TENT5A: variants seen among roughly 807,000 people sequenced by gnomAD.
TENT5A encodes the protein terminal nucleotidyltransferase 5A.
Under a neutral mutation model 30.2 loss-of-function variants are expected in TENT5A, and 9 were observed. That is an observed-to-expected ratio of 0.30 (90% CI 0.18 to 0.52). TENT5A has a LOEUF of 0.52. Among genes scored for constraint, TENT5A ranks in the 20% least tolerant of loss-of-function variants. TENT5A has a pLI of 0.97. For missense variants in TENT5A, 411 were observed against 566.1 expected (o/e 0.73, Z 2.78); for synonymous variants, 264 against 234.2 (o/e 1.13, Z -1.16).
rs1015671618 is a variant in TENT5A, at chr6:81,748,865, G to A, written c.*830C>T. Reference sequence around the variant, plus strand: ...ATTTTGCCACTTCAAATTTTCAGAAGGCAACAGGCACTTTGATGTATATTG... The same window carrying A: ...ATTTTGCCACTTCAAATTTTCAGAAAGCAACAGGCACTTTGATGTATATTG... On this transcript the variant is annotated 3_prime_UTR_variant, in exon 3 of 3. Coordinates refer to ENST00000320172, the MANE Select transcript of TENT5A (RefSeq NM_017633.3). 1.0e-6 allele frequency: 1 copy of A among 985,406 alleles called. No homozygotes were observed. The highest frequency in any genetic ancestry group is 1.2e-6 in the Non-Finnish European group (1 of 829,598). The allele number at this position is 985,406 out of a possible 1,614,324, so 61.0% of individuals were successfully genotyped here.
Position 81,747,084 on chromosome 6 carries a change from A to C in TENT5A, c.*2611T>G. 2 of 984,512 alleles carry C rather than the reference A, an allele frequency of 2.0e-6. No individual in the cohort carries two copies. Among genetic ancestry groups the C allele is most frequent in the Non-Finnish European group, 1.2e-6 (1 of 829,106 alleles). The allele number at this position is 984,512 out of a possible 1,614,324, so 61.0% of individuals were successfully genotyped here. Reference sequence around the variant, plus strand: ...TTCAAATAAGGCTCTTCCAAACAAAAATCTGTGTTATAAATTAACAGCAGG... The same window carrying C: ...TTCAAATAAGGCTCTTCCAAACAAACATCTGTGTTATAAATTAACAGCAGG... On this transcript the variant is annotated 3_prime_UTR_variant, in exon 3 of 3. Coordinates refer to ENST00000320172, the MANE Select transcript of TENT5A (RefSeq NM_017633.3).
At chr6:81,752,328 C>CGCAGGGCACGCAGCTGA in intron 1 of TENT5A, 103 bp downstream of exon 1, 1 of 1,545,896 alleles carries the variant, frequency 6.5e-7, no homozygotes, top group African/African-American at 1.4e-5. Context: ...CTCCCCCGGC[C>CGCAGGGCACGCAGCTGA]CTTACAGTCC....
chr6:81,751,601 G>A lies in TENT5A; in HGVS notation c.541C>T (p.Leu181Phe), dbSNP rs1231163690. 6.2e-7 allele frequency: 1 copy of A among 1,609,114 alleles called. No homozygotes were observed. Among genetic ancestry groups the A allele is most frequent in the Admixed American group, 1.7e-5 (1 of 59,718 alleles). Residue 181 changes from leucine (L) to phenylalanine (F), a missense_variant, in exon 2 of 3, where the codon CTC (leucine) becomes TTC (phenylalanine). By Grantham distance (22) the Leu-to-Phe change is conservative. Around this residue, in one of 5 missense-constraint regions of TENT5A, gnomAD observed 135 missense variants for 240.0 expected, o/e 0.56. Transcript: ENST00000320172. ...EGVNKEKITP[L>F]TLKEAYVQKM... ...TCGGGTGGTGTTACCTTGAGCGTGA[G>A]TGGTGTGATCTTCTCTTTGTTCACC...
chr6:81,751,561 G>A, intron 2 of TENT5A, 29 bp downstream of exon 2: 1 of 1,560,226 alleles, frequency 6.4e-7, no homozygotes, highest in Non-Finnish European at 8.7e-7. Flanking sequence ...GACTGGGTCA[G>A]GACCCAAGTG....
Position 81,747,029 on chromosome 6 carries a change from A to C in TENT5A, c.*2666T>G. On this transcript the variant is annotated 3_prime_UTR_variant, in exon 3 of 3. Transcript: ENST00000320172. ...CCTGAAGTAAGCAAGAAAAGAATAT[A>C]AATATTTAAGAAAATAAATCAAAGT... 1 of 984,592 alleles carries C rather than the reference A, an allele frequency of 1.0e-6. No individual in the cohort carries two copies. Among genetic ancestry groups the C allele is most frequent in the Non-Finnish European group, 1.2e-6 (1 of 829,060 alleles). The allele number at this position is 984,592 out of a possible 1,614,324, so 61.0% of individuals were successfully genotyped here.
In TENT5A at chr6:81,747,221, T is replaced by G. The variant is rs1768902764; in HGVS notation, c.*2474A>C. 5 of 985,482 alleles carry G rather than the reference T, an allele frequency of 5.1e-6. No homozygotes were observed. The highest frequency in any genetic ancestry group is 6.0e-6 in the Non-Finnish European group (5 of 829,910). 61.0% of individuals were successfully genotyped at this position (985,482 alleles called of 1,614,324 possible). A position where few individuals can be genotyped will look rare whatever the true frequency, so the allele number is the denominator to read the frequency against. On this transcript the variant is annotated 3_prime_UTR_variant, in exon 3 of 3. Coordinates refer to ENST00000320172, the MANE Select transcript of TENT5A (RefSeq NM_017633.3). ...CACCAGCTGCTCCTGTGTTCACAAG[T>G]GCTCCCCTAGTTTTCTTTCAGAAAA...
At position 81,750,521 on chromosome 6, in the gene TENT5A, T is replaced by C; in HGVS notation, c.553-50A>G. The C allele has an allele frequency of 8.8e-7, 1 of 1,130,408 alleles. No homozygotes were observed. Among genetic ancestry groups the C allele is most frequent in the Non-Finnish European group, 1.2e-6 (1 of 806,746 alleles). The allele number at this position is 1,130,408 out of a possible 1,614,324, so 70.0% of individuals were successfully genotyped here. ...ATGAGCAAACCTAGAAAATAATAAA[T>C]CAATAAATAAATACATCCTCTTCAC... On this transcript the variant is annotated intron_variant, in intron 2 of 2. Coordinates refer to ENST00000320172, the MANE Select transcript of TENT5A (RefSeq NM_017633.3). The surrounding 1 kb of genome is among the most constrained non-coding windows in gnomAD (Gnocchi z 4.2).
Position 81,747,330 on chromosome 6 carries a change from G to A in TENT5A, c.*2365C>T. On this transcript the variant is annotated 3_prime_UTR_variant, in exon 3 of 3. Transcript: ENST00000320172. ...TCTGCAAACTGAACAATGTTTCCTG[G>A]GAAGTTGCAATTAATTTTTCAAACC... is the stretch of plus-strand genomic sequence containing the variant. The A allele has an allele frequency of 1.0e-6, 1 of 985,822 alleles. No homozygotes were observed. The highest frequency in any genetic ancestry group is 1.2e-6 in the Non-Finnish European group (1 of 829,924). 61.1% of individuals were successfully genotyped at this position (985,822 alleles called of 1,614,324 possible).
In TENT5A at chr6:81,750,425, C is replaced by T. The variant is rs768691613; in HGVS notation, c.599G>A (p.Arg200Gln). ...KMVKVCNDSD[R>Q]WSLISLSNNS... ...GTTTGACAGGGATATAAGACTCCATCGGTCAGAGTCATTGCACACTTTAAC... is the reference window on the plus strand; with the variant it reads ...GTTTGACAGGGATATAAGACTCCATTGGTCAGAGTCATTGCACACTTTAAC... Residue 200 changes from arginine to glutamine, a missense_variant, in exon 3 of 3, where the codon CGA becomes CAA. Transcript: ENST00000320172. The surrounding 1 kb of genome is among the most constrained non-coding windows in gnomAD (Gnocchi z 4.2). 8.8e-6 allele frequency: 14 copies of T among 1,593,040 alleles called. No individual in the cohort carries two copies. The Admixed American group carries it at 2.5e-4, about 29-fold the overall frequency.
In TENT5A at chr6:81,746,748, G is replaced by A. The variant is rs946084718; in HGVS notation, c.*2947C>T. 5.7e-5 allele frequency: 70 copies of A among 1,221,932 alleles called. No homozygotes were observed. Among genetic ancestry groups the A allele is most frequent in the Non-Finnish European group, 6.6e-5 (65 of 982,034 alleles). 75.7% of individuals were successfully genotyped at this position (1,221,932 alleles called of 1,614,324 possible). On this transcript the variant is annotated 3_prime_UTR_variant, in exon 3 of 3. Transcript: ENST00000320172. ...GAAACAAATCACAGGCGCTAATAGGGAGTCGGGAGCTGTTCTTTTCTCTGA... is the reference window on the plus strand; with the variant it reads ...GAAACAAATCACAGGCGCTAATAGGAAGTCGGGAGCTGTTCTTTTCTCTGA...
In TENT5A at chr6:81,749,329, T is replaced by A. The variant is rs760208444; in HGVS notation, c.*366A>T. On this transcript the variant is annotated 3_prime_UTR_variant, in exon 3 of 3. Coordinates refer to ENST00000320172, the MANE Select transcript of TENT5A (RefSeq NM_017633.3). ...ATGAATTCCATCTTAAAAGAAACTT[T>A]CCACTTTTTTTTTTCCTATGGCAAA... 3.9e-6 allele frequency: 4 copies of A among 1,019,436 alleles called. No homozygotes were observed. The highest frequency in any genetic ancestry group is 4.7e-6 in the Non-Finnish European group (4 of 852,990). 63.1% of individuals were successfully genotyped at this position (1,019,436 alleles called of 1,614,324 possible). A position where few individuals can be genotyped will look rare whatever the true frequency, so the allele number is the denominator to read the frequency against.
rs775559932 is a variant in TENT5A at position 81,747,159 on chromosome 6, C to T, written c.*2536G>A. 24 of 985,162 alleles carry T rather than the reference C, an allele frequency of 2.4e-5. No homozygotes were observed. Among genetic ancestry groups the T allele is most frequent in the African/African-American group, 3.5e-5 (2 of 57,204 alleles). The allele number at this position is 985,162 out of a possible 1,614,324, so 61.0% of individuals were successfully genotyped here. A position where few individuals can be genotyped will look rare whatever the true frequency, so the allele number is the denominator to read the frequency against. ...CCTCCAGACTCTTTAAAATAGTAGACGACTCATTTGTCAAGAGTTAGGGTA... is the reference window on the plus strand; with the variant it reads ...CCTCCAGACTCTTTAAAATAGTAGATGACTCATTTGTCAAGAGTTAGGGTA... On this transcript the variant is annotated 3_prime_UTR_variant, in exon 3 of 3. Coordinates refer to ENST00000320172, the MANE Select transcript of TENT5A (RefSeq NM_017633.3).
Position 81,752,118 on chromosome 6 carries a change from G to C in TENT5A, c.24C>G (p.Phe8Leu), listed in dbSNP as rs763017293. The C allele has an allele frequency of 5.8e-6, 9 of 1,560,196 alleles. No individual in the cohort carries two copies. The East Asian group carries it at 2.1e-4, about 37-fold the overall frequency. Residue 8 changes from phenylalanine to leucine, a missense_variant, in exon 2 of 3, where the codon TTC becomes TTG. Physicochemically the swap from Phe to Leu is conservative, Grantham distance 22 (BLOSUM62 0). This residue lies in a region of TENT5A where 34 missense variants were observed against 29.3 expected (regional missense o/e 1.16). Coordinates refer to ENST00000320172, the MANE Select transcript of TENT5A (RefSeq NM_017633.3). MAEGEGY[F>L]AMSEDELACS... ...AGGCCAGCTCGTCCTCAGACATGGCGAAGTACCCTTCACCCTCCGCCATGT... is the reference window on the plus strand; with the variant it reads ...AGGCCAGCTCGTCCTCAGACATGGCCAAGTACCCTTCACCCTCCGCCATGT...
At position 81,746,730 on chromosome 6, in the gene TENT5A, A is replaced by G; in HGVS notation, c.*2965T>C. Reference sequence around the variant, plus strand: ...GCCAGATAAACACAAAAGGAAACAAATCACAGGCGCTAATAGGGAGTCGGG... The same window carrying G: ...GCCAGATAAACACAAAAGGAAACAAGTCACAGGCGCTAATAGGGAGTCGGG... On this transcript the variant is annotated 3_prime_UTR_variant, in exon 3 of 3. Transcript: ENST00000320172. 8.2e-7 allele frequency: 1 copy of G among 1,224,642 alleles called. No individual in the cohort carries two copies. Among genetic ancestry groups the G allele is most frequent in the Non-Finnish European group, 1.0e-6 (1 of 983,648 alleles). The allele number at this position is 1,224,642 out of a possible 1,614,324, so 75.9% of individuals were successfully genotyped here.
chr6:81,752,268 G>C (rs1451557289), intron 1 of TENT5A, 90 bp from the exon 2 acceptor site: 7 of 1,483,528 alleles, frequency 4.7e-6, no homozygotes, highest in Non-Finnish European at 6.3e-6. Context: ...CAGGAAAAGA[G>C]CGCCCCCTCC....
Position 81,747,430 on chromosome 6 carries a change from C to G in TENT5A, c.*2265G>C, listed in dbSNP as rs194607. Reference sequence around the variant, plus strand: ...CTTAGAAAACTGAGTGGCAGTGCAGCGGCTGTTGCAGCTCTGACAGAATTC... The same window carrying G: ...CTTAGAAAACTGAGTGGCAGTGCAGGGGCTGTTGCAGCTCTGACAGAATTC... On this transcript the variant is annotated 3_prime_UTR_variant, in exon 3 of 3. Coordinates refer to ENST00000320172, the MANE Select transcript of TENT5A (RefSeq NM_017633.3). 0.28 allele frequency: 279,011 copies of G among 985,470 alleles called. 47,440 individuals are homozygous for G. Among genetic ancestry groups the G allele is most frequent in the African/African-American group, 0.77 (44,327 of 57,226 alleles). The allele number at this position is 985,470 out of a possible 1,614,324, so 61.0% of individuals were successfully genotyped here.
Position 81,750,239 on chromosome 6 carries a change from T to G in TENT5A, c.785A>C (p.Glu262Ala). The G allele has an allele frequency of 6.2e-7, 1 of 1,614,178 alleles. No individual in the cohort carries two copies. The highest frequency in any genetic ancestry group is 8.5e-7 in the Non-Finnish European group (1 of 1,180,012). ...TETFHPTIIG[E>A]SVYGDFQEAF... ...TTCCTGGAAATCGCCATAGACGCTC[T>G]CCCCGATTATTGTGGGGTGAAATGT... The change falls in exon 3 of 3, where the codon GAG becomes GCG. Residue 262 changes from glutamate (E) to alanine (A), a missense_variant. Glu to Ala is a moderately radical substitution (Grantham distance 107). This residue lies in a region of TENT5A where 135 missense variants were observed against 240.0 expected (regional missense o/e 0.56). Transcript: ENST00000320172. The surrounding 1 kb of genome is among the most constrained non-coding windows in gnomAD (Gnocchi z 4.2).
rs1204409832 is a variant in TENT5A, at chr6:81,747,405, C to T, written c.*2290G>A. ...GCCAAGATGGTAGTAGGAGGAGTTC[C>T]TTAGAAAACTGAGTGGCAGTGCAGC... On this transcript the variant is annotated 3_prime_UTR_variant, in exon 3 of 3. Transcript: ENST00000320172. 1 of 985,686 alleles carries T rather than the reference C, an allele frequency of 1.0e-6. No homozygotes were observed. Among genetic ancestry groups the T allele is most frequent in the African/African-American group, 1.7e-5 (1 of 57,198 alleles). 61.1% of individuals were successfully genotyped at this position (985,686 alleles called of 1,614,324 possible).
chr6:81,752,079 G>A lies in TENT5A; in HGVS notation c.63C>T (p.Ile21=), dbSNP rs1769055356. The A allele has an allele frequency of 6.3e-7, 1 of 1,588,368 alleles. No homozygotes were observed. The change falls in exon 2 of 3, where the codon ATC becomes ATT. Residue 21 remains isoleucine, a synonymous_variant. Coordinates refer to ENST00000320172, the MANE Select transcript of TENT5A (RefSeq NM_017633.3). ...SEDELACSPY[I]PLGGDFGGGD... is the part of the protein sequence containing the mutation. ...CGCCGCCGAAGTCGCCGCCTAGGGG[G>A]ATGTAGGGGCTGCAGGCCAGCTCGT...
Sources: allele counts gnomAD v4.1 joint callset, GRCh38; gene constraint gnomAD v4.1.1; regional missense constraint gnomAD v4.1.1; non-coding constraint Gnocchi (gnomAD v3.1); transcripts MANE v1.5; gene names NCBI Gene and HGNC (gene_info 2026-07-23, HGNC 2026-07-21).